The following MORN1 variants were observed in gnomAD, a reference collection of about 807,000 sequenced individuals.
MORN1 encodes the protein MORN repeat-containing protein 1.
MORN1 carries 67 observed loss-of-function variants against 61.9 expected under a neutral mutation model. The ratio of observed to expected loss-of-function variants is 1.08; its 90% CI spans 0.89 to 1.33. The LOEUF (loss-of-function observed/expected upper bound fraction) is 1.33. MORN1 is among the 40% of genes most tolerant of loss of function. The probability of loss-of-function intolerance (pLI) is 0.00; values close to 1 mark genes in which losing one functional copy is unlikely to be tolerated. For missense variants in MORN1, 752 were observed against 691.2 expected, an observed-to-expected ratio of 1.09 and a Z score of -0.99; for synonymous variants, 301 against 292.0, an observed-to-expected ratio of 1.03 and a Z score of -0.31.
In MORN1 at chr1:2,388,794, AAAAAAAG is replaced by A. The variant is rs1218988961; in HGVS notation, c.149-464_149-458del. Among the ~76,000 whole-genome samples the A allele has an allele frequency of 6.0e-5, 9 of 150,400 alleles. No individual in the cohort carries two copies. In the East Asian group the frequency reaches 1.8e-3, roughly 29 times the overall value. ...CTGTCTCAAAAAAAAAAAAAAAAAA[AAAAAAAG>A]AGAGAGAGAGAAGAAAACTAGGCAG... On this transcript the variant is annotated intron_variant, in intron 2 of 13. Coordinates refer to ENST00000378531, the MANE Select transcript of MORN1 (RefSeq NM_024848.3).
chr1:2,321,851 C>G (rs1008991753), intron 13 of MORN1, among the ~76,000 whole-genome samples: 2 of 152,212 alleles, frequency 1.3e-5, no homozygotes, highest in Non-Finnish European at 2.9e-5. Context: ...CAGCTATGGC[C>G]TCCAGCTCGG....
Position 2,374,496 on chromosome 1 carries a change from G to C in MORN1, c.599C>G (p.Thr200Ser), listed in dbSNP as rs1228047693. 11 of 1,603,476 alleles carry C rather than the reference G, an allele frequency of 6.9e-6. No homozygotes were observed. Among genetic ancestry groups the C allele is most frequent in the Non-Finnish European group, 8.5e-6 (10 of 1,175,786 alleles). ...LGSMAHCSGV[T>S]YYGLWINGHP... ...GCCATTGATCCACAACCCATAATAG[G>C]TGACCCCTGAGCAGTGGGCCATGCT... The change falls in exon 7 of 14, where the codon ACC becomes AGC. Residue 200 changes from threonine (T) to serine (S), a missense_variant. Transcript: ENST00000378531.
At chr1:2,356,770 G>A (rs1641780029) in intron 10 of MORN1, among the ~76,000 whole-genome samples, 1 of 152,222 alleles carries the variant, frequency 6.6e-6, no homozygotes, top group Non-Finnish European at 1.5e-5. Flanking sequence ...GCACAGGAGG[G>A]TTTGATGTGC....
chr1:2,332,584 T>G (rs1310901859), intron 12 of MORN1: 2 of 456,288 alleles, frequency 4.4e-6, no homozygotes, highest in Non-Finnish European at 4.4e-6. Flanking sequence ...ACGGCAGACC[T>G]CCGGCACAGG....
chr1:2,378,631 C>T (rs1461278308), intron 6 of MORN1: 2 of 290,064 alleles, frequency 6.9e-6, no homozygotes, highest in African/African-American at 4.4e-5. Flanking sequence ...GCAGCTGATA[C>T]AGCCAGGGAT....
intron 8 of MORN1, among the ~76,000 whole-genome samples, chr1:2,370,592 G>A (rs1642093997): frequency 6.6e-6 from 1 of 152,046 alleles, no homozygotes; most frequent in African/African-American, 2.4e-5. Flanking sequence ...AGACATATCT[G>A]ATAAAGGACT....
At chr1:2,344,258 G>A (rs1358228328) in intron 10 of MORN1, among the ~76,000 whole-genome samples, 1 of 152,200 alleles carries the variant, frequency 6.6e-6, no homozygotes, top group Non-Finnish European at 1.5e-5. Flanking sequence ...CCAGGCACAA[G>A]GGGCTGGCGG....
chr1:2,388,125 C>T (rs375752038), intron 3 of MORN1, 114 bp downstream of exon 3: 15 of 815,608 alleles, frequency 1.8e-5, no homozygotes, highest in East Asian at 7.6e-5. Flanking sequence ...AGGCCTCTCA[C>T]GGCACAAAGC....
rs1242889871 is a variant in MORN1 at position 2,387,467 on chromosome 1, T to C, written c.310A>G (p.Lys104Glu). 2 of 1,613,752 alleles carry C rather than the reference T, an allele frequency of 1.2e-6. No homozygotes were observed. The highest frequency in any genetic ancestry group is 3.3e-5 in the Admixed American group (2 of 60,032). ...TCCCCTTCATAACATCCGCCGGCTTTGTACTCCATGACGCCGTAGCCTTGA... is the reference window on the plus strand; with the variant it reads ...TCCCCTTCATAACATCCGCCGGCTTCGTACTCCATGACGCCGTAGCCTTGA... ...EPQGYGVMEYKAGGCYEGEVS... is the reference protein window; with the variant it reads ...EPQGYGVMEYEAGGCYEGEVS... Residue 104 changes from lysine (K) to glutamate (E), a missense_variant, in exon 4 of 14, where the codon AAA becomes GAA. Lys to Glu is a moderately conservative substitution (Grantham distance 56, BLOSUM62 1). Transcript: ENST00000378531.
chr1:2,359,656 G>A (rs550976780), intron 8 of MORN1, among the ~76,000 whole-genome samples: 185 of 152,348 alleles, frequency 1.2e-3, no homozygotes, highest in African/African-American at 4.2e-3. Context: ...GCCGAGGCGG[G>A]TGGATCTCCT....
intron 8 of MORN1, among the ~76,000 whole-genome samples, chr1:2,361,324 A>G (rs1641885547): frequency 9.4e-6 from 1 of 106,676 alleles, no homozygotes; most frequent in South Asian, 2.7e-4. Flanking sequence ...TGGGAGGCCA[A>G]GGTTGGCAGA....
chr1:2,324,564 G>A (rs1640956866), intron 12 of MORN1, among the ~76,000 whole-genome samples: 1 of 152,212 alleles, frequency 6.6e-6, no homozygotes, highest in Admixed American at 6.5e-5. Context: ...AGCGGCGGAA[G>A]TCTCAGCAAG....
chr1:2,382,392 T>C (rs1189542539), intron 6 of MORN1, among the ~76,000 whole-genome samples: 7 of 152,150 alleles, frequency 4.6e-5, no homozygotes, highest in South Asian at 4.1e-4. Context: ...GTGGGGATCA[T>C]GAGCCAATGC....
chr1:2,378,791 C>T lies in MORN1; in HGVS notation c.538-4234G>A, dbSNP rs1029520739. 1.2e-4 allele frequency: 47 copies of T among 382,438 alleles called. No homozygotes were observed. In the East Asian group the frequency reaches 2.8e-3, roughly 23 times the overall value. The allele number at this position is 382,438 out of a possible 1,614,324, so 23.7% of individuals were successfully genotyped here. ...CCCAAGCCCTCGGGTCCTGGGAGGT[C>T]GAGCAGTAAGCTGTAAACTAGGAGT... On this transcript the variant is annotated intron_variant, in intron 6 of 13. Coordinates refer to ENST00000378531, the MANE Select transcript of MORN1 (RefSeq NM_024848.3).
At chr1:2,374,645 A>T (rs554424797) in intron 6 of MORN1, 88 bp from the exon 7 acceptor site, 2 of 1,161,548 alleles carry the variant, frequency 1.7e-6, no homozygotes, top group African/African-American at 3.0e-5. Context: ...CTGGTGCTAC[A>T]GCAGGGCCCC....
Position 2,389,928 on chromosome 1 carries a change from G to C in MORN1, c.145C>G (p.His49Asp). ...AGAGACCACAGATGCTTCTCACCGTGCTTCCTCCCTGCTTTCCATTCTCCT... is the reference window on the plus strand; with the variant it reads ...AGAGACCACAGATGCTTCTCACCGTCCTTCCTCCCTGCTTTCCATTCTCCT... ...YEGEWKAGRK[H>D]GHGKLLFKDG... Residue 49 changes from histidine to aspartate, a missense_variant, in exon 2 of 14, where the codon CAC becomes GAC. By Grantham distance (81) the His-to-Asp change is moderately conservative. Coordinates refer to ENST00000378531, the MANE Select transcript of MORN1 (RefSeq NM_024848.3). 1 of 1,613,894 alleles carries C rather than the reference G, an allele frequency of 6.2e-7. No homozygotes were observed.
intron 8 of MORN1, among the ~76,000 whole-genome samples, chr1:2,369,117 C>T (rs1290396160): frequency 5.3e-5 from 8 of 150,152 alleles, no homozygotes; most frequent in South Asian, 4.2e-4. Context: ...TTTGGGAGGC[C>T]GAGGGTGGTG....
intron 6 of MORN1, chr1:2,376,423 G>T (rs549516138): frequency 2.6e-5 from 4 of 151,142 alleles, no homozygotes; most frequent in African/African-American, 4.8e-5. Context: ...CCACCTGCTC[G>T]GCCTCTGGAA....
chr1:2,345,774 T>C (rs72642161), intron 10 of MORN1, among the ~76,000 whole-genome samples: 34,664 of 152,040 alleles, frequency 0.23, 4,085 homozygotes, highest in African/African-American at 0.25. Context: ...AGAGTCACTG[T>C]TCACAGGCCC....
Sources: gnomAD v4.1 joint callset for allele counts (sites outside exome capture counted in the v4.1 genomes callset) on GRCh38, gnomAD v4.1.1 for gene constraint, MANE v1.5 for transcripts, NCBI Gene and HGNC (gene_info 2026-07-23, HGNC 2026-07-21) for gene names.